GALNT7: variants seen among roughly 807,000 people sequenced by gnomAD.
The protein encoded by GALNT7 is N-acetylgalactosaminyltransferase 7.
A neutral mutation model predicts 82.1 loss-of-function variants in GALNT7; 60 were observed. The ratio of observed to expected loss-of-function variants is 0.73; its 90% CI spans 0.59 to 0.91. The LOEUF (loss-of-function observed/expected upper bound fraction) is 0.91, where lower values mean the gene tolerates loss of function less well. GALNT7 is among the 40% of genes least tolerant of loss of function. The pLI is 0.00. For missense variants in GALNT7, 660 were observed against 804.2 expected (o/e 0.82, Z 2.17); for synonymous variants, 243 against 275.1 (o/e 0.88, Z 1.15).
chr4:173,201,368 A>G (rs1407027596), intron 1 of GALNT7, among the ~76,000 whole-genome samples: 1 of 152,244 alleles, frequency 6.6e-6, no homozygotes, highest in Non-Finnish European at 1.5e-5. Context: ...AAGAAATGGT[A>G]GGTCCAAATA....
intron 2 of GALNT7, among the ~76,000 whole-genome samples, chr4:173,262,072 T>A (rs912083787): frequency 6.6e-6 from 1 of 152,198 alleles, no homozygotes; most frequent in African/African-American, 2.4e-5. Flanking sequence ...GATAACTGAA[T>A]TCCAACACCT....
intron 6 of GALNT7, among the ~76,000 whole-genome samples, chr4:173,299,761 G>A (rs940370887): frequency 7.9e-5 from 12 of 151,962 alleles, no homozygotes; most frequent in Admixed American, 4.6e-4. Flanking sequence ...CAGGAGAATC[G>A]CTTGAACCTG....
chr4:173,298,256 T>G lies in GALNT7; in HGVS notation c.1107T>G (p.Pro369=). 1 of 1,596,690 alleles carries G rather than the reference T, an allele frequency of 6.3e-7. No homozygotes were observed. The highest frequency in any genetic ancestry group is 8.5e-7 in the Non-Finnish European group (1 of 1,174,588). Residue 369 remains proline, a synonymous_variant, in exon 6 of 12, where the codon CCT becomes CCG. Coordinates refer to ENST00000265000, the MANE Select transcript of GALNT7 (RefSeq NM_017423.3). The stretch of plus-strand genomic sequence containing the variant: ...TCTGGAAACGGGTGCCTCTGACCCC[T>G]CAAGAGAAGAGACTGAGAAAGACAA... ...SMLWKRVPLT[P]QEKRLRKTKT...
At chr4:173,276,311 T>G (rs1389903040) in intron 2 of GALNT7, among the ~76,000 whole-genome samples, 2 of 152,168 alleles carry the variant, frequency 1.3e-5, no homozygotes, top group Non-Finnish European at 2.9e-5. Flanking sequence ...TTGCTGACAT[T>G]TTAATCTTGG....
chr4:173,202,518 C>A (rs931949047), intron 1 of GALNT7, among the ~76,000 whole-genome samples: 2 of 152,124 alleles, frequency 1.3e-5, no homozygotes, highest in African/African-American at 2.4e-5. Context: ...TCTTAGATAA[C>A]CCTCTTCACT....
At chr4:173,205,338 G>A (rs566042504) in intron 1 of GALNT7, among the ~76,000 whole-genome samples, 76 of 152,112 alleles carry the variant, frequency 5.0e-4, no homozygotes, top group African/African-American at 1.7e-3. Context: ...GGCTGACCAC[G>A]TACTGGGATG....
chr4:173,213,705 A>G (rs1733353612), intron 1 of GALNT7, among the ~76,000 whole-genome samples: 3 of 152,190 alleles, frequency 2.0e-5, no homozygotes, highest in Non-Finnish European at 4.4e-5. Context: ...AAAAAATTCT[A>G]ATAAAATTCA....
At chr4:173,193,150 C>T (rs1732674385) in intron 1 of GALNT7, among the ~76,000 whole-genome samples, 1 of 152,190 alleles carries the variant, frequency 6.6e-6, no homozygotes, top group Non-Finnish European at 1.5e-5. Flanking sequence ...AAAGGCTCGG[C>T]CTCTGCCTCT....
Position 173,320,418 on chromosome 4 carries a change from CTA to C in GALNT7, c.1837-1160_1837-1159del, listed in dbSNP as rs1737767863. ...AAATGACATTTTTAATGAAAAATAA[CTA>C]TGTTTACCCACAAAAAATAGTGAGA... On this transcript the variant is annotated intron_variant, in intron 11 of 11. Transcript: ENST00000265000. This position sits in a 1 kb window ranked among gnomAD's most constrained non-coding sequence, Gnocchi z 4.1. Among the ~76,000 whole-genome samples the C allele has an allele frequency of 6.6e-6, 1 of 151,922 alleles. No homozygotes were observed. Among genetic ancestry groups the C allele is most frequent in the Admixed American group, 6.6e-5 (1 of 15,254 alleles).
At chr4:173,276,509 T>C (rs888344676) in intron 2 of GALNT7, among the ~76,000 whole-genome samples, 1 of 152,210 alleles carries the variant, frequency 6.6e-6, no homozygotes, top group Non-Finnish European at 1.5e-5. Context: ...ACAGTTTTAT[T>C]TTGTCTAGTT....
chr4:173,174,389 T>C (rs1731970608), intron 1 of GALNT7, among the ~76,000 whole-genome samples: 1 of 152,242 alleles, frequency 6.6e-6, no homozygotes, highest in Admixed American at 6.5e-5. Flanking sequence ...TTGTTGAGTA[T>C]TTCCTCCATC....
At chr4:173,317,806 T>A in intron 10 of GALNT7, 74 bp downstream of exon 10, 1 of 910,978 alleles carries the variant, frequency 1.1e-6, no homozygotes, top group Non-Finnish European at 1.8e-6. Flanking sequence ...CAGAGTGATC[T>A]TTGTACTTTG....
At chr4:173,300,475 C>A (rs1246230968) in intron 6 of GALNT7, among the ~76,000 whole-genome samples, 1 of 152,082 alleles carries the variant, frequency 6.6e-6, no homozygotes, top group Non-Finnish European at 1.5e-5. Flanking sequence ...GACAAAGTGT[C>A]ATTTAGGCTG....
intron 2 of GALNT7, among the ~76,000 whole-genome samples, chr4:173,269,064 A>G (rs1390404585): frequency 1.3e-5 from 2 of 152,198 alleles, no homozygotes; most frequent in Non-Finnish European, 2.9e-5. Flanking sequence ...CCCAAATCTC[A>G]GTAACAGTGA....
At chr4:173,203,743 T>C (rs1288216150) in intron 1 of GALNT7, among the ~76,000 whole-genome samples, 1 of 152,240 alleles carries the variant, frequency 6.6e-6, no homozygotes, top group Non-Finnish European at 1.5e-5. Context: ...ACTTTTGCTC[T>C]ACTTCCTCCC....
chr4:173,182,130 A>G (rs1319997858), intron 1 of GALNT7, among the ~76,000 whole-genome samples: 2 of 152,218 alleles, frequency 1.3e-5, no homozygotes, highest in Admixed American at 6.5e-5. Context: ...GGCTTGAAAC[A>G]TTTATTCTTA....
At chr4:173,193,196 C>G (rs1254510123) in intron 1 of GALNT7, among the ~76,000 whole-genome samples, 2 of 152,204 alleles carry the variant, frequency 1.3e-5, no homozygotes, top group South Asian at 4.1e-4. Context: ...TGAGACGTGC[C>G]TGTTCTTCCT....
intron 1 of GALNT7, among the ~76,000 whole-genome samples, chr4:173,209,287 G>C (rs780747821): frequency 1.5e-4 from 23 of 152,222 alleles, no homozygotes; most frequent in Non-Finnish European, 2.9e-4. Flanking sequence ...GGAGTTTACT[G>C]TAGTATACAC....
chr4:173,227,497 A>G (rs28455952), intron 1 of GALNT7, among the ~76,000 whole-genome samples: 2,084 of 152,112 alleles, frequency 0.014, 48 homozygotes, highest in African/African-American at 0.048. Flanking sequence ...ACACCTGGCT[A>G]ATTTTTTTTA....
Sources: gnomAD v4.1 joint callset for allele counts (sites outside exome capture counted in the v4.1 genomes callset) on GRCh38, gnomAD v4.1.1 for gene constraint, Gnocchi (gnomAD v3.1) non-coding constraint, MANE v1.5 for transcripts, NCBI Gene and HGNC (gene_info 2026-07-23, HGNC 2026-07-21) for gene names.